TRPC5: variants seen among roughly 807,000 people sequenced by gnomAD.
TRPC5 encodes the protein short transient receptor potential channel 5.
A neutral mutation model predicts 56.5 loss-of-function variants in TRPC5; 9 were observed. The observed-to-expected ratio is 0.16, with a 90% CI of 0.10 to 0.28. The LOEUF (loss-of-function observed/expected upper bound fraction) is 0.28, where lower values mean the gene tolerates loss of function less well. TRPC5 is among the 10% of genes least tolerant of loss of function. The pLI is 1.00. For synonymous variants in TRPC5, 282 were observed against 278.5 expected (o/e 1.01, Z -0.13); for missense variants, 469 against 748.9 (o/e 0.63, Z 4.36).
chrX:111,834,471 C>G (rs150817001), intron 7 of TRPC5, among the ~76,000 whole-genome samples: 38 of 111,017 alleles, frequency 3.4e-4, no homozygotes, highest in African/African-American at 1.2e-3. Context: ...CTCTCTGTCT[C>G]TCTCTCAGAA....
chrX:111,992,280 G>C lies in TRPC5; in HGVS notation c.-21-39839C>G, dbSNP rs192159988. ...TTCTATTTATCTTGATTGTGGTGAT[G>C]GTTTCACAGGTGCATACATATGTCA... On this transcript the variant is annotated intron_variant, in intron 1 of 10. Transcript: ENST00000262839. 3.6e-5 allele frequency among the ~76,000 whole-genome samples: 4 copies of C among 112,265 alleles called. No individual in the cohort carries two copies. The East Asian group carries it at 1.1e-3, about 31-fold the overall frequency.
intron 7 of TRPC5, among the ~76,000 whole-genome samples, chrX:111,789,701 A>G (rs1245338534): frequency 8.9e-6 from 1 of 112,328 alleles, no homozygotes; most frequent in Non-Finnish European, 1.9e-5. Flanking sequence ...TCTACAAAGA[A>G]CTCAAGCAAA....
chrX:111,971,511 T>C (rs979929530), intron 1 of TRPC5, among the ~76,000 whole-genome samples: 1 of 111,332 alleles, frequency 9.0e-6, no homozygotes. Context: ...TATCTTGAGG[T>C]CTGTGACTGT....
In TRPC5 at chrX:112,007,621, C is replaced by T. The variant is rs898446723; in HGVS notation, c.-21-55180G>A. Among the ~76,000 whole-genome samples, 3 of 111,662 alleles carry T rather than the reference C, an allele frequency of 2.7e-5. No homozygotes were observed. In the East Asian group the frequency reaches 8.5e-4, roughly 32 times the overall value. ...GGTACACTGTGGTAGGCCGGCATAA[C>T]AGAGTCATTCATTACCTTGACTTCT... is the stretch of plus-strand genomic sequence containing the variant. On this transcript the variant is annotated intron_variant, in intron 1 of 10. Coordinates refer to ENST00000262839, the MANE Select transcript of TRPC5 (RefSeq NM_012471.3).
intron 1 of TRPC5, among the ~76,000 whole-genome samples, chrX:112,074,288 TTTTTA>T (rs1225423614): frequency 1.9e-5 from 2 of 105,524 alleles, no homozygotes; most frequent in African/African-American, 7.2e-5. Context: ...ATCATCTTTA[TTTTTA>T]TTTTATTATA....
intron 1 of TRPC5, among the ~76,000 whole-genome samples, chrX:112,072,419 A>C (rs1930737715): frequency 8.9e-6 from 1 of 111,860 alleles, no homozygotes; most frequent in African/African-American, 3.3e-5. Context: ...TCCCTAATCT[A>C]TATCTACAGC....
chrX:112,007,491 A>C (rs766544687), intron 1 of TRPC5, among the ~76,000 whole-genome samples: 1 of 111,372 alleles, frequency 9.0e-6, no homozygotes, highest in South Asian at 3.8e-4. Context: ...CTTTCTTTGG[A>C]CTATAAAGGG....
chrX:111,862,132 T>A (rs1214766529), intron 3 of TRPC5, among the ~76,000 whole-genome samples: 1 of 112,057 alleles, frequency 8.9e-6, no homozygotes, highest in Non-Finnish European at 1.9e-5. Flanking sequence ...CAACTTTTTT[T>A]GCATTTTTAG....
At chrX:111,880,925 G>A (rs144563774) in intron 3 of TRPC5, among the ~76,000 whole-genome samples, 2 of 111,377 alleles carry the variant, frequency 1.8e-5, no homozygotes, top group African/African-American at 6.5e-5. Context: ...TCCTCACAAT[G>A]GAACTGATAA....
intron 3 of TRPC5, among the ~76,000 whole-genome samples, chrX:111,906,358 A>AAAG (rs1925623976): frequency 9.1e-6 from 1 of 109,680 alleles, no homozygotes; most frequent in Non-Finnish European, 1.9e-5. Context: ...CTGTTTAAAA[A>AAAG]AACAAAAAAC....
intron 7 of TRPC5, among the ~76,000 whole-genome samples, chrX:111,823,124 C>G (rs1226054562): frequency 8.9e-6 from 1 of 112,213 alleles, no homozygotes; most frequent in Non-Finnish European, 1.9e-5. Context: ...TTGGCACAGA[C>G]CTGCCAAAGT....
At chrX:112,020,363 G>T (rs1929241614) in intron 1 of TRPC5, among the ~76,000 whole-genome samples, 1 of 112,225 alleles carries the variant, frequency 8.9e-6, no homozygotes, top group Admixed American at 9.5e-5. Flanking sequence ...TAAGGACAGG[G>T]ACTCAGAGGT....
intron 1 of TRPC5, among the ~76,000 whole-genome samples, chrX:112,018,696 C>A (rs1452232161): frequency 8.9e-6 from 1 of 112,170 alleles, no homozygotes; most frequent in Non-Finnish European, 1.9e-5. Context: ...ATAGCATAAA[C>A]GTATTAATTC....
chrX:111,908,668 A>G (rs754797957), intron 3 of TRPC5, among the ~76,000 whole-genome samples: 2 of 112,128 alleles, frequency 1.8e-5, no homozygotes, highest in Admixed American at 1.9e-4. Flanking sequence ...ATATCAGTGA[A>G]TAGCACCAGG....
intron 7 of TRPC5, among the ~76,000 whole-genome samples, chrX:111,818,688 C>T (rs1002631391): frequency 9.4e-6 from 1 of 106,661 alleles, no homozygotes; most frequent in Non-Finnish European, 1.9e-5. Flanking sequence ...ACTGCAACCT[C>T]CGCCTCCCAG....
intron 2 of TRPC5, among the ~76,000 whole-genome samples, chrX:111,940,547 C>A (rs144142391): frequency 0.03 from 3,225 of 108,599 alleles, 62 homozygotes; most frequent in African/African-American, 0.06. Context: ...AAAAATTAGC[C>A]GGGTGTGGTG....
intron 1 of TRPC5, among the ~76,000 whole-genome samples, chrX:111,975,156 A>T (rs2148650094): frequency 9.0e-6 from 1 of 111,278 alleles, no homozygotes; most frequent in African/African-American, 3.3e-5. Flanking sequence ...TTGCCAGGGA[A>T]TTGAGGGTTG....
At chrX:112,068,313 A>G (rs1381835211) in intron 1 of TRPC5, among the ~76,000 whole-genome samples, 2 of 112,401 alleles carry the variant, frequency 1.8e-5, no homozygotes, top group Non-Finnish European at 3.8e-5. Context: ...GCACTGAATA[A>G]TTTAATTCAT....
chrX:111,950,076 G>A (rs1192791188), intron 2 of TRPC5, among the ~76,000 whole-genome samples: 2 of 111,544 alleles, frequency 1.8e-5, no homozygotes, highest in Non-Finnish European at 3.8e-5. Flanking sequence ...TGTAATCCCA[G>A]CACTTTGGGA....
Sources: allele counts gnomAD v4.1 joint callset (sites outside exome capture counted in the v4.1 genomes callset), GRCh38; gene constraint gnomAD v4.1.1; transcripts MANE v1.5; gene names NCBI Gene and HGNC (gene_info 2026-07-23, HGNC 2026-07-21).